Variants in NOL10 observed in about 807,000 individuals in gnomAD.
NOL10 encodes H_NH0074G24.1.
NOL10 carries 58 observed loss-of-function variants against 103.5 expected under a neutral mutation model. The ratio of observed to expected loss-of-function variants is 0.56; its 90% CI spans 0.45 to 0.70. The LOEUF is 0.70. Among genes scored for constraint, NOL10 ranks in the 30% least tolerant of loss-of-function variants. The pLI is 0.00. For missense variants in NOL10, 763 were observed against 807.3 expected (o/e 0.95, Z 0.67); for synonymous variants, 287 against 282.5 (o/e 1.02, Z -0.16).
intron 13 of NOL10, among the ~76,000 whole-genome samples, chr2:10,609,204 T>C (rs76424311): frequency 0.11 from 17,146 of 150,974 alleles, 1,343 homozygotes; most frequent in Middle Eastern, 0.18. Flanking sequence ...ACACAATGTG[T>C]GTGCAATGAA....
intron 11 of NOL10, among the ~76,000 whole-genome samples, chr2:10,654,869 AT>A (rs1204967777): frequency 2.0e-5 from 3 of 152,168 alleles, no homozygotes; most frequent in Admixed American, 6.5e-5. Context: ...TTAAAAAAAA[AT>A]CTCTCATAAT....
At chr2:10,657,950 T>G (rs761777037) in intron 10 of NOL10, 59 bp from the exon 11 acceptor site, 69 of 1,324,578 alleles carry the variant, frequency 5.2e-5, no homozygotes, top group Non-Finnish European at 7.1e-5. Flanking sequence ...AAGGAAATAT[T>G]TCTAAGTGAG....
At chr2:10,582,195 G>A (rs563660042) in intron 19 of NOL10, among the ~76,000 whole-genome samples, 3 of 152,320 alleles carry the variant, frequency 2.0e-5, no homozygotes, top group South Asian at 4.1e-4. Flanking sequence ...GTGAGCTGAA[G>A]AGTAAAAACA....
chr2:10,684,435 G>A (rs1386351338), intron 2 of NOL10, 132 bp downstream of exon 2: 8 of 731,916 alleles, frequency 1.1e-5, no homozygotes, highest in Non-Finnish European at 1.8e-5. Flanking sequence ...AAAGAAAAGG[G>A]ACAAGAGCAT....
At chr2:10,608,319 T>C (rs913637302) in intron 13 of NOL10, among the ~76,000 whole-genome samples, 3 of 152,192 alleles carry the variant, frequency 2.0e-5, no homozygotes, top group African/African-American at 7.2e-5. Flanking sequence ...AAAATATGAA[T>C]CATTAAGTTT....
At chr2:10,589,515 T>C (rs1333385917) in intron 18 of NOL10, 63 bp downstream of exon 18, 2 of 1,350,072 alleles carry the variant, frequency 1.5e-6, no homozygotes, top group African/African-American at 2.9e-5. Flanking sequence ...CTCTTCTAAC[T>C]TACAAAGAAA....
chr2:10,589,505 C>T, intron 18 of NOL10, 73 bp downstream of exon 18: 1 of 1,284,354 alleles, frequency 7.8e-7, no homozygotes, highest in Non-Finnish European at 1.1e-6. Flanking sequence ...TAATCAAAGA[C>T]TCTTCTAACT....
chr2:10,602,014 C>A (rs1572268439), intron 16 of NOL10, among the ~76,000 whole-genome samples: 2 of 152,236 alleles, frequency 1.3e-5, no homozygotes, highest in South Asian at 4.1e-4. Flanking sequence ...AGGAGCAGGG[C>A]CTGCCCTTCT....
intron 3 of NOL10, among the ~76,000 whole-genome samples, chr2:10,681,525 A>C (rs1196507275): frequency 1.3e-5 from 2 of 152,232 alleles, no homozygotes; most frequent in East Asian, 3.9e-4. Context: ...TTTGAGTTAC[A>C]CAAGCGTGTG....
Position 10,684,550 on chromosome 2 carries a change from G to T in NOL10, c.112+17C>A. ...TGGATCACTAACGCAGCTGAAGTGG[G>T]AAAAAACAATACTCACCTACATCTT... On this transcript the variant is annotated intron_variant, in intron 2 of 20. Coordinates refer to ENST00000381685, the MANE Select transcript of NOL10 (RefSeq NM_024894.4). 6.4e-7 allele frequency: 1 copy of T among 1,564,442 alleles called. No individual in the cohort carries two copies. Among genetic ancestry groups the T allele is most frequent in the Admixed American group, 1.9e-5 (1 of 52,996 alleles).
intron 9 of NOL10, among the ~76,000 whole-genome samples, chr2:10,661,722 G>C (rs902056345): frequency 9.2e-5 from 14 of 152,106 alleles, no homozygotes; most frequent in Admixed American, 7.2e-4. Flanking sequence ...CTCAGGCAGA[G>C]AAACTTACAT....
intron 4 of NOL10, among the ~76,000 whole-genome samples, chr2:10,674,837 C>CA (rs71713489): frequency 0.23 from 34,279 of 151,566 alleles, 4,139 homozygotes; most frequent in South Asian, 0.47. Context: ...ACTCCGTCTC[C>CA]AAAAAATAAA....
At chr2:10,607,750 T>TTTATTA (rs373298093) in intron 13 of NOL10, among the ~76,000 whole-genome samples, 89 of 144,738 alleles carry the variant, frequency 6.1e-4, no homozygotes, top group African/African-American at 1.0e-3. Flanking sequence ...AAAAACAATA[T>TTTATTA]TTATTATTAT....
intron 12 of NOL10, among the ~76,000 whole-genome samples, chr2:10,649,110 G>A (rs1558320867): frequency 6.6e-6 from 1 of 152,042 alleles, no homozygotes; most frequent in Non-Finnish European, 1.5e-5. Flanking sequence ...ATGATTTTCA[G>A]GAGATCAATG....
At chr2:10,579,844 C>T (rs2148144953) in intron 19 of NOL10, among the ~76,000 whole-genome samples, 1 of 152,040 alleles carries the variant, frequency 6.6e-6, no homozygotes, top group Admixed American at 6.5e-5. Flanking sequence ...AGATGGTATA[C>T]AGAAAACACT....
In NOL10 at chr2:10,660,390, T is replaced by A. The variant is rs576656168; in HGVS notation, c.678-1140A>T. ...TGGAGTGCAGTGGCATGATCTCAGCTCTCTGCAACCTCCACCTTCCGGTTC... is the reference window on the plus strand; with the variant it reads ...TGGAGTGCAGTGGCATGATCTCAGCACTCTGCAACCTCCACCTTCCGGTTC... On this transcript the variant is annotated intron_variant, in intron 9 of 20. Coordinates refer to ENST00000381685, the MANE Select transcript of NOL10 (RefSeq NM_024894.4). 4.6e-5 allele frequency among the ~76,000 whole-genome samples: 7 copies of A among 152,272 alleles called. No homozygotes were observed. The East Asian group carries it at 1.4e-3, about 29-fold the overall frequency.
chr2:10,579,012 TC>T (rs1242278632), intron 19 of NOL10, among the ~76,000 whole-genome samples: 75 of 152,210 alleles, frequency 4.9e-4, no homozygotes, highest in Non-Finnish European at 1.3e-4. Flanking sequence ...AGTCTTTTTT[TC>T]CCTGAAATAT....
At chr2:10,596,319 C>T (rs921699109) in intron 17 of NOL10, among the ~76,000 whole-genome samples, 1 of 149,862 alleles carries the variant, frequency 6.7e-6, no homozygotes, top group African/African-American at 2.5e-5. Flanking sequence ...ATTTATTGTG[C>T]ACTTTATTTC....
intron 13 of NOL10, among the ~76,000 whole-genome samples, chr2:10,624,846 T>C (rs1308802559): frequency 6.6e-6 from 1 of 152,172 alleles, no homozygotes; most frequent in African/African-American, 2.4e-5. Flanking sequence ...GCTTTATTCC[T>C]AACTGCCAAA....
Sources: allele counts gnomAD v4.1 joint callset (sites outside exome capture counted in the v4.1 genomes callset), GRCh38; gene constraint gnomAD v4.1.1; transcripts MANE v1.5; gene names NCBI Gene and HGNC (gene_info 2026-07-23, HGNC 2026-07-21).